The following ADAM32 variants were observed in gnomAD, a reference collection of about 807,000 sequenced individuals.
ADAM32 encodes the protein disintegrin and metalloproteinase domain-containing protein 32.
Under a neutral mutation model 114.9 loss-of-function variants are expected in ADAM32, and 89 were observed. The ratio of observed to expected loss-of-function variants is 0.77; its 90% CI spans 0.65 to 0.92. The LOEUF is 0.92. Among genes scored for constraint, ADAM32 ranks in the 40% least tolerant of loss-of-function variants. The pLI, the probability that ADAM32 is intolerant of heterozygous loss-of-function variation, is 0.00. For synonymous variants in ADAM32, 285 were observed against 307.5 expected (o/e 0.93, Z 0.77); for missense variants, 870 against 932.8 (o/e 0.93, Z 0.88).
In ADAM32 at chr8:39,211,134, T is replaced by G; in HGVS notation, c.1053-10T>G. 6.6e-6 allele frequency: 10 copies of G among 1,524,676 alleles called. No individual in the cohort carries two copies. In the East Asian group the frequency reaches 2.2e-4, roughly 33 times the overall value. The allele number at this position is 1,524,676 out of a possible 1,614,324, so 94.4% of individuals were successfully genotyped here. On this transcript the variant is annotated splice_polypyrimidine_tract_variant and intron_variant, in intron 11 of 24. Transcript: ENST00000379907. ...ATACTGCCAATGACATTATATGGAT[T>G]CATCTTTAGGCAATCCAATGGTGTG...
intron 14 of ADAM32, among the ~76,000 whole-genome samples, chr8:39,226,366 T>C (rs1010047034): frequency 2.0e-5 from 3 of 152,092 alleles, no homozygotes; most frequent in Non-Finnish European, 4.4e-5. Flanking sequence ...TTAGGAAAGA[T>C]ATAAGTGTGC....
intron 10 of ADAM32, among the ~76,000 whole-genome samples, chr8:39,178,032 C>G (rs1805632161): frequency 6.6e-6 from 1 of 151,644 alleles, no homozygotes; most frequent in South Asian, 2.1e-4. Context: ...TACTGGGGTT[C>G]TCTGGGTTTC....
intron 12 of ADAM32, among the ~76,000 whole-genome samples, chr8:39,218,509 T>C (rs140573962): frequency 1.3e-5 from 2 of 152,262 alleles, no homozygotes; most frequent in East Asian, 3.9e-4. Flanking sequence ...GAGCCAGGGA[T>C]TGGAGTCAGA....
chr8:39,130,467 A>C (rs1488278750), intron 2 of ADAM32, among the ~76,000 whole-genome samples: 1 of 151,946 alleles, frequency 6.6e-6, no homozygotes, highest in Non-Finnish European at 1.5e-5. Flanking sequence ...TTAAGATGGA[A>C]ATTTAAGTTA....
chr8:39,180,218 C>T (rs936987740), intron 10 of ADAM32, among the ~76,000 whole-genome samples: 10 of 152,212 alleles, frequency 6.6e-5, no homozygotes, highest in Non-Finnish European at 1.2e-4. Flanking sequence ...AGCAGCGGGC[C>T]GGCCCTGCCG....
chr8:39,186,332 C>G (rs1806241878), intron 10 of ADAM32, among the ~76,000 whole-genome samples: 1 of 152,156 alleles, frequency 6.6e-6, no homozygotes, highest in African/African-American at 2.4e-5. Flanking sequence ...ACCAATGCCC[C>G]ATTTCTTTTT....
At chr8:39,136,613 T>G in intron 2 of ADAM32, 44 bp from the exon 3 acceptor site, 1 of 1,262,718 alleles carries the variant, frequency 7.9e-7, no homozygotes, top group Non-Finnish European at 1.1e-6. Context: ...TTTTGCTTCT[T>G]GTATTAAATT....
intron 2 of ADAM32, among the ~76,000 whole-genome samples, chr8:39,125,629 G>C (rs1034754056): frequency 2.6e-5 from 4 of 152,142 alleles, no homozygotes; most frequent in African/African-American, 9.7e-5. Context: ...TAGGTTGTCT[G>C]TTCACTCTGA....
intron 2 of ADAM32, among the ~76,000 whole-genome samples, chr8:39,131,688 A>T (rs576393455): frequency 7.3e-4 from 111 of 152,188 alleles, no homozygotes; most frequent in African/African-American, 2.7e-3. Context: ...TGTCTTTGGG[A>T]TGCAGTGATG....
chr8:39,240,876 C>A (rs571626616), intron 16 of ADAM32, among the ~76,000 whole-genome samples: 1 of 152,298 alleles, frequency 6.6e-6, no homozygotes, highest in South Asian at 2.1e-4. Flanking sequence ...CAAAACCAAT[C>A]ATGCCTTCCT....
chr8:39,274,476 C>G, intron 21 of ADAM32, 126 bp downstream of exon 21: 3 of 1,016,620 alleles, frequency 3.0e-6, no homozygotes, highest in East Asian at 2.5e-5. Context: ...AAAATCCAGA[C>G]TGCTAATATA....
At chr8:39,179,096 CA>C (rs2129446804) in intron 10 of ADAM32, among the ~76,000 whole-genome samples, 1 of 152,298 alleles carries the variant, frequency 6.6e-6, no homozygotes, top group Admixed American at 6.5e-5. Context: ...CGAGACCACC[CA>C]GACTCTCTAG....
intron 19 of ADAM32, among the ~76,000 whole-genome samples, chr8:39,266,385 C>A (rs922854647): frequency 5.9e-5 from 9 of 152,136 alleles, no homozygotes; most frequent in African/African-American, 2.2e-4. Flanking sequence ...TTTTTCTAGT[C>A]TGCCTGTGTT....
At chr8:39,133,600 T>A (rs1293351631) in intron 2 of ADAM32, among the ~76,000 whole-genome samples, 1 of 152,118 alleles carries the variant, frequency 6.6e-6, no homozygotes, top group African/African-American at 2.4e-5. Context: ...TGGTGGTGCA[T>A]GTGAACACCA....
At chr8:39,185,578 T>C (rs1327084493) in intron 10 of ADAM32, among the ~76,000 whole-genome samples, 1 of 152,180 alleles carries the variant, frequency 6.6e-6, no homozygotes, top group East Asian at 1.9e-4. Flanking sequence ...AGGAAAGCTC[T>C]AGTATTTTGA....
At chr8:39,193,927 G>T (rs1806772794) in intron 11 of ADAM32, among the ~76,000 whole-genome samples, 3 of 152,334 alleles carry the variant, frequency 2.0e-5, no homozygotes, top group Middle Eastern at 6.8e-3. Context: ...GGTGGTGCCA[G>T]CCAAAGTGCT....
intron 19 of ADAM32, among the ~76,000 whole-genome samples, chr8:39,268,327 C>T (rs1484042947): frequency 6.6e-6 from 1 of 152,080 alleles, no homozygotes; most frequent in African/African-American, 2.4e-5. Context: ...TTGAATTTCT[C>T]TAATGGTTAA....
chr8:39,155,720 G>A (rs1056627956), intron 6 of ADAM32, among the ~76,000 whole-genome samples: 13 of 152,102 alleles, frequency 8.5e-5, no homozygotes, highest in Middle Eastern at 6.8e-3. Context: ...TTTGCTAATC[G>A]TTTTCTATAT....
chr8:39,209,049 C>G (rs1416667950), intron 11 of ADAM32, among the ~76,000 whole-genome samples: 1 of 151,686 alleles, frequency 6.6e-6, no homozygotes, highest in Non-Finnish European at 1.5e-5. Context: ...GATCCAATAA[C>G]TGTTCTTTGT....
Sources: gnomAD v4.1 joint callset for allele counts (sites outside exome capture counted in the v4.1 genomes callset) on GRCh38, gnomAD v4.1.1 for gene constraint, MANE v1.5 for transcripts, NCBI Gene and HGNC (gene_info 2026-07-23, HGNC 2026-07-21) for gene names.